The following STXBP5L variants were observed in gnomAD, a reference collection of about 807,000 sequenced individuals.
STXBP5L encodes syntaxin binding protein 5L, also known as syntaxin-binding protein 5-like.
A neutral mutation model predicts 144.5 loss-of-function variants in STXBP5L; 65 were observed. The ratio of observed to expected loss-of-function variants is 0.45; its 90% CI spans 0.37 to 0.55. STXBP5L has a LOEUF of 0.55. Among genes scored for constraint, STXBP5L ranks in the 20% least tolerant of loss-of-function variants. The pLI, the probability that STXBP5L is intolerant of heterozygous loss-of-function variation, is 0.00. For missense variants in STXBP5L, 1,298 were observed against 1,405.5 expected (o/e 0.92, Z 1.22); for synonymous variants, 505 against 469.6 (o/e 1.08, Z -0.97).
intron 3 of STXBP5L, among the ~76,000 whole-genome samples, chr3:120,968,574 TA>T: frequency 6.6e-6 from 1 of 152,318 alleles, no homozygotes; most frequent in East Asian, 1.9e-4. Context: ...TTTTAATTTT[TA>T]AAATAAATTT....
chr3:121,143,228 A>G (rs1296727932), intron 7 of STXBP5L, among the ~76,000 whole-genome samples: 1 of 151,690 alleles, frequency 6.6e-6, no homozygotes, highest in Non-Finnish European at 1.5e-5. Context: ...AACGAGGAAA[A>G]GCTCAGGATG....
intron 19 of STXBP5L, among the ~76,000 whole-genome samples, chr3:121,304,907 A>G (rs1246106998): frequency 6.6e-6 from 1 of 152,070 alleles, no homozygotes; most frequent in East Asian, 1.9e-4. Context: ...AAACCCCAAA[A>G]CAGTTCTTCA....
intron 10 of STXBP5L, among the ~76,000 whole-genome samples, chr3:121,207,671 A>G (rs1488118043): frequency 6.6e-6 from 1 of 152,228 alleles, no homozygotes; most frequent in Non-Finnish European, 1.5e-5. Flanking sequence ...AAGTGGGTGA[A>G]GGACATGAAC....
chr3:121,155,362 A>G (rs1293297420), intron 8 of STXBP5L, among the ~76,000 whole-genome samples: 5 of 151,782 alleles, frequency 3.3e-5, no homozygotes, highest in Non-Finnish European at 5.9e-5. Context: ...TCTTCTGTAT[A>G]TCAAAATTCT....
At chr3:121,001,268 A>G (rs1943752893) in intron 3 of STXBP5L, among the ~76,000 whole-genome samples, 1 of 152,202 alleles carries the variant, frequency 6.6e-6, no homozygotes, top group Non-Finnish European at 1.5e-5. Context: ...TAAAAGAGCT[A>G]TAGCAGTAGC....
intron 25 of STXBP5L, among the ~76,000 whole-genome samples, chr3:121,416,471 T>TTTTA (rs140767929): frequency 6.2e-4 from 85 of 137,886 alleles, no homozygotes; most frequent in African/African-American, 1.4e-3. Context: ...ACTGGTAGAT[T>TTTTA]TTTATTTATT....
chr3:121,198,534 T>C (rs982197976), intron 9 of STXBP5L, among the ~76,000 whole-genome samples: 1 of 152,216 alleles, frequency 6.6e-6, no homozygotes, highest in Non-Finnish European at 1.5e-5. Context: ...TTGCTTTTGA[T>C]GTTTTAGTCA....
chr3:121,349,660 A>G (rs1280676254), intron 20 of STXBP5L, among the ~76,000 whole-genome samples: 3 of 152,088 alleles, frequency 2.0e-5, no homozygotes, highest in Middle Eastern at 6.3e-3. Flanking sequence ...GGGCATATAT[A>G]TTTAGGATAG....
At chr3:121,192,242 CA>C (rs1482089770) in intron 9 of STXBP5L, among the ~76,000 whole-genome samples, 7 of 152,070 alleles carry the variant, frequency 4.6e-5, no homozygotes, top group Admixed American at 2.0e-4. Flanking sequence ...GAGAATAAAA[CA>C]CCTAGGCATA....
At chr3:121,399,161 C>A (rs907131956) in intron 22 of STXBP5L, among the ~76,000 whole-genome samples, 9 of 152,028 alleles carry the variant, frequency 5.9e-5, no homozygotes, top group African/African-American at 2.2e-4. Flanking sequence ...CTTCCTCCTC[C>A]TCATCAGTGT....
chr3:120,978,423 G>T (rs144416999), intron 3 of STXBP5L, among the ~76,000 whole-genome samples: 2,237 of 152,112 alleles, frequency 0.015, 24 homozygotes, highest in Non-Finnish European at 0.023. Flanking sequence ...TCTCTGTATT[G>T]GTTATTCTAG....
At chr3:121,094,243 A>G (rs1477314413) in intron 5 of STXBP5L, among the ~76,000 whole-genome samples, 1 of 152,122 alleles carries the variant, frequency 6.6e-6, no homozygotes, top group Non-Finnish European at 1.5e-5. Flanking sequence ...AAAAATGTAT[A>G]TTCTGTTGAT....
chr3:121,133,847 G>T lies in STXBP5L; in HGVS notation c.669+12143G>T, dbSNP rs187864824. The stretch of plus-strand genomic sequence containing the variant: ...GCATGTCTTACATGGTGACAGGTGA[G>T]AGAGCAAGCAAAGGGGAAATGCCCC... On this transcript the variant is annotated intron_variant, in intron 7 of 26. Coordinates refer to ENST00000471454, the MANE Select transcript of STXBP5L (RefSeq NM_001308330.2). 4.6e-5 allele frequency among the ~76,000 whole-genome samples: 7 copies of T among 152,298 alleles called. No homozygotes were observed. In the East Asian group the frequency reaches 1.2e-3, roughly 25 times the overall value.
chr3:121,095,186 G>A (rs1453283575), intron 5 of STXBP5L, among the ~76,000 whole-genome samples: 1 of 152,176 alleles, frequency 6.6e-6, no homozygotes, highest in African/African-American at 2.4e-5. Flanking sequence ...CCCTTTGTGG[G>A]TAACCCGACC....
chr3:120,978,450 A>G (rs546768706), intron 3 of STXBP5L, among the ~76,000 whole-genome samples: 2 of 151,812 alleles, frequency 1.3e-5, no homozygotes, highest in Admixed American at 6.6e-5. Context: ...ATTTGTCTAA[A>G]TTTTTTTCAA....
At chr3:120,945,998 T>G (rs942991492) in intron 2 of STXBP5L, among the ~76,000 whole-genome samples, 2 of 151,864 alleles carry the variant, frequency 1.3e-5, no homozygotes, top group African/African-American at 4.8e-5. Context: ...CATGAACCAT[T>G]AATATGATAG....
intron 19 of STXBP5L, among the ~76,000 whole-genome samples, chr3:121,286,009 G>A (rs1454443632): frequency 2.6e-5 from 4 of 152,200 alleles, no homozygotes; most frequent in Non-Finnish European, 4.4e-5. Flanking sequence ...CCTAGCAACA[G>A]TTCTACTTAT....
At chr3:121,094,377 A>T (rs2042998743) in intron 5 of STXBP5L, among the ~76,000 whole-genome samples, 1 of 151,886 alleles carries the variant, frequency 6.6e-6, no homozygotes, top group South Asian at 2.1e-4. Context: ...TGGGGTGTTA[A>T]AGTCTCCCAT....
At chr3:120,924,616 T>C (rs1709515781) in intron 2 of STXBP5L, 1 of 152,522 alleles carries the variant, frequency 6.6e-6, no homozygotes, top group African/African-American at 2.4e-5. Flanking sequence ...GCTTTAGTCT[T>C]TCATTTTGTC....
Sources: gnomAD v4.1 joint callset for allele counts (sites outside exome capture counted in the v4.1 genomes callset) on GRCh38, gnomAD v4.1.1 for gene constraint, MANE v1.5 for transcripts, NCBI Gene and HGNC (gene_info 2026-07-23, HGNC 2026-07-21) for gene names.